Variants in CYP4X1 observed in about 807,000 individuals in gnomAD.
CYP4X1 encodes cytochrome P450 4X1.
Under a neutral mutation model 57.9 loss-of-function variants are expected in CYP4X1, and 44 were observed. The observed-to-expected ratio is 0.76, with a 90% CI of 0.60 to 0.98. The LOEUF (loss-of-function observed/expected upper bound fraction) is 0.98. Ranked by LOEUF, CYP4X1 falls within the 50% of genes least tolerant of loss-of-function variation. CYP4X1 has a pLI of 0.00. For synonymous variants in CYP4X1, 227 were observed against 228.6 expected (o/e 0.99, Z 0.06); for missense variants, 532 against 623.9 (o/e 0.85, Z 1.57).
intron 6 of CYP4X1, among the ~76,000 whole-genome samples, chr1:47,036,856 C>T (rs1046214837): frequency 6.6e-6 from 1 of 152,150 alleles, no homozygotes; most frequent in Non-Finnish European, 1.5e-5. Context: ...AGGACAGTGC[C>T]TGGCACTGAA....
At chr1:46,990,832 T>C in the CYP4X1 span, among the ~76,000 whole-genome samples, 1 of 151,760 alleles carries the variant, frequency 6.6e-6, no homozygotes, top group Admixed American at 6.6e-5. Flanking sequence ...TTCTCACTCA[T>C]AAGTGGGAGT....
chr1:47,004,544 G>A, the CYP4X1 span, among the ~76,000 whole-genome samples: 2 of 152,300 alleles, frequency 1.3e-5, no homozygotes, highest in South Asian at 4.1e-4. Context: ...AGGTTTCCAT[G>A]TGGAGGTGCC....
chr1:47,026,185 G>C lies in CYP4X1; in HGVS notation c.177+2191G>C, dbSNP rs143885765. Among the ~76,000 whole-genome samples the C allele has an allele frequency of 7.2e-4, 109 of 152,228 alleles. 1 individual carries two copies. The East Asian group carries it at 0.02, about 28-fold the overall frequency. On this transcript the variant is annotated intron_variant, in intron 1 of 11. Transcript: ENST00000371901. The stretch of plus-strand genomic sequence containing the variant: ...CACCTACTATTTGATAGCATAGCAG[G>C]GTGGCTATAGTCAATAATAACTGTA...
intron 11 of CYP4X1, 62 bp downstream of exon 11, chr1:47,049,566 C>A: frequency 7.2e-7 from 1 of 1,396,702 alleles, no homozygotes; most frequent in Non-Finnish European, 1.0e-6. Flanking sequence ...TAGTTTATTC[C>A]TTTCAGCTCC....
At chr1:47,024,471 G>A (rs1011074972) in intron 1 of CYP4X1, among the ~76,000 whole-genome samples, 4 of 152,168 alleles carry the variant, frequency 2.6e-5, no homozygotes, top group African/African-American at 9.7e-5. Context: ...GCCCCAGCCA[G>A]CCACTCGAGA....
chr1:47,033,158 A>G, intron 3 of CYP4X1, 83 bp from the exon 4 acceptor site: 3 of 1,496,230 alleles, frequency 2.0e-6, no homozygotes, highest in African/African-American at 1.4e-5. Context: ...GGTCATGGTT[A>G]CTCCACGCTG....
the CYP4X1 span, among the ~76,000 whole-genome samples, chr1:46,971,098 T>C: frequency 6.6e-6 from 1 of 152,284 alleles, no homozygotes; most frequent in Middle Eastern, 3.4e-3. Flanking sequence ...CACCCTCAAG[T>C]AGGCCATGGT....
the CYP4X1 span, among the ~76,000 whole-genome samples, chr1:47,014,151 A>C: frequency 6.6e-6 from 1 of 152,212 alleles, no homozygotes; most frequent in Non-Finnish European, 1.5e-5. Context: ...CTGGATATTG[A>C]CATTGTAAAA....
At position 47,035,794 on chromosome 1, in the gene CYP4X1, C is replaced by T. The variant is rs201577903; in HGVS notation, c.493-12C>T. ...TGGTGGTGATGATGTTGGTCTTGAC[C>T]TCCTGTGCCAGGATAAGTGGGAGAA... On this transcript the variant is annotated splice_polypyrimidine_tract_variant and intron_variant, in intron 4 of 11. Coordinates refer to ENST00000371901, the MANE Select transcript of CYP4X1 (RefSeq NM_178033.2). 9.9e-6 allele frequency: 16 copies of T among 1,608,312 alleles called. No individual in the cohort carries two copies. Among genetic ancestry groups the T allele is most frequent in the Admixed American group, 5.1e-5 (3 of 59,234 alleles).
In CYP4X1 at chr1:47,046,589, C is replaced by A; in HGVS notation, c.1196C>A (p.Thr399Lys). ...CCACTTACCTTCCCAGATGGATGCA[C>A]ATTGCCTGCAGGTCTTTACATTCTT... is the stretch of plus-strand genomic sequence containing the variant. ...SKPLTFPDGC[T>K]LPAGITVVLS... Residue 399 changes from threonine (T) to lysine (K), a missense_variant, in exon 9 of 12, where the codon ACA becomes AAA. Coordinates refer to ENST00000371901, the MANE Select transcript of CYP4X1 (RefSeq NM_178033.2). 6.2e-7 allele frequency: 1 copy of A among 1,614,156 alleles called. No homozygotes were observed.
intron 11 of CYP4X1, 32 bp downstream of exon 11, chr1:47,049,536 C>G (rs1199058640): frequency 8.2e-6 from 13 of 1,576,494 alleles, no homozygotes; most frequent in Non-Finnish European, 1.1e-5. Context: ...TGAAAGTACC[C>G]AAAGATGTTT....
In CYP4X1 at chr1:47,048,546, T is replaced by G; in HGVS notation, c.1208-19T>G. 1.2e-6 allele frequency: 2 copies of G among 1,614,018 alleles called. No individual in the cohort carries two copies. The highest frequency in any genetic ancestry group is 1.7e-5 in the Admixed American group (1 of 60,022). On this transcript the variant is annotated intron_variant, in intron 9 of 11. Coordinates refer to ENST00000371901, the MANE Select transcript of CYP4X1 (RefSeq NM_178033.2). ...TTGCTCTTTCTCCTGCAGTCTCTTT[T>G]ATTTCCCTCCTTTCTTAGGGATCAC...
At chr1:46,996,626 C>T in the CYP4X1 span, among the ~76,000 whole-genome samples, 1 of 152,162 alleles carries the variant, frequency 6.6e-6, no homozygotes, top group East Asian at 1.9e-4. Context: ...TATGAGCTTC[C>T]ATCTTAGAAA....
the CYP4X1 span, among the ~76,000 whole-genome samples, chr1:46,978,139 T>A: frequency 6.6e-6 from 1 of 152,072 alleles, no homozygotes; most frequent in Non-Finnish European, 1.5e-5. Context: ...TAACCTTAAA[T>A]GTAAATGGGC....
chr1:47,055,054 G>A (rs1230732084), downstream of CYP4X1, among the ~76,000 whole-genome samples: 4 of 152,164 alleles, frequency 2.6e-5, no homozygotes, highest in Admixed American at 2.0e-4. Flanking sequence ...TTGGCTGTGG[G>A]TTTGTCATAG....
At chr1:47,002,731 T>C in the CYP4X1 span, among the ~76,000 whole-genome samples, 5,116 of 152,326 alleles carry the variant, frequency 0.034, 178 homozygotes, top group African/African-American at 0.087. Flanking sequence ...TCAAATGCTA[T>C]GTGTTATATG....
the CYP4X1 span, among the ~76,000 whole-genome samples, chr1:47,013,604 G>A: frequency 6.6e-6 from 1 of 152,060 alleles, no homozygotes; most frequent in Non-Finnish European, 1.5e-5. Flanking sequence ...ACAAATATGA[G>A]AATTGCTTAA....
the CYP4X1 span, among the ~76,000 whole-genome samples, chr1:46,978,316 G>C: frequency 8.5e-5 from 13 of 152,076 alleles, no homozygotes; most frequent in East Asian, 2.5e-3. Flanking sequence ...AAAAAGGCAG[G>C]GGTTGCAATC....
At chr1:47,008,883 T>C in the CYP4X1 span, among the ~76,000 whole-genome samples, 11 of 152,280 alleles carry the variant, frequency 7.2e-5, no homozygotes, top group Admixed American at 7.2e-4. Flanking sequence ...ATCCTAAATA[T>C]ATATGCACTC....
Sources: allele counts gnomAD v4.1 joint callset (sites outside exome capture counted in the v4.1 genomes callset), GRCh38; gene constraint gnomAD v4.1.1; transcripts MANE v1.5; gene names NCBI Gene and HGNC (gene_info 2026-07-23, HGNC 2026-07-21).